QTRT2: variants seen among roughly 807,000 people sequenced by gnomAD.
QTRT2 encodes queuine tRNA-ribosyltransferase accessory subunit 2.
A neutral mutation model predicts 44.8 loss-of-function variants in QTRT2; 32 were observed. The observed-to-expected ratio is 0.71, with a 90% CI of 0.54 to 0.96. The LOEUF (loss-of-function observed/expected upper bound fraction) is 0.96. Ranked by LOEUF, QTRT2 falls within the 40% of genes least tolerant of loss-of-function variation. The pLI, the probability that QTRT2 is intolerant of heterozygous loss-of-function variation, is 0.00. For missense variants in QTRT2, 461 were observed against 503.1 expected, an observed-to-expected ratio of 0.92 and a Z score of 0.80; for synonymous variants, 182 against 187.4, an observed-to-expected ratio of 0.97 and a Z score of 0.24.
chr3:114,056,925 T>A (rs1486157629), intron 1 of QTRT2, 61 bp downstream of exon 1: 1 of 1,521,092 alleles, frequency 6.6e-7, no homozygotes, highest in Non-Finnish European at 8.8e-7. Flanking sequence ...TCACGTCGCG[T>A]CCAGACGCTT....
intron 8 of QTRT2, chr3:114,082,408 A>G (rs1308620749): frequency 5.0e-6 from 1 of 198,608 alleles, no homozygotes; most frequent in African/African-American, 2.3e-5. Context: ...TTATTTCTTG[A>G]TGATACGATT....
chr3:114,068,839 A>G (rs2076987420), intron 5 of QTRT2, among the ~76,000 whole-genome samples: 2 of 152,132 alleles, frequency 1.3e-5, no homozygotes, highest in African/African-American at 2.4e-5. Context: ...CTTGAGCCTC[A>G]GGAGTTCGAG....
chr3:114,069,055 A>G (rs1014445330), intron 5 of QTRT2, among the ~76,000 whole-genome samples: 2 of 147,828 alleles, frequency 1.4e-5, no homozygotes, highest in East Asian at 1.9e-4. Context: ...CTCTGTCTCA[A>G]AAAAAAAAAA....
chr3:114,068,167 A>T (rs185745028), intron 5 of QTRT2, 104 bp downstream of exon 5: 1 of 910,748 alleles, frequency 1.1e-6, no homozygotes, highest in Admixed American at 1.8e-5. Flanking sequence ...ATGATCCCTT[A>T]TACCTTTTCC....
At chr3:114,057,927 T>G (rs889338058) in intron 2 of QTRT2, among the ~76,000 whole-genome samples, 1 of 152,160 alleles carries the variant, frequency 6.6e-6, no homozygotes, top group African/African-American at 2.4e-5. Flanking sequence ...AAACTAAGAT[T>G]ATAATGTGCT....
At chr3:114,060,697 A>G (rs1347579630) in intron 2 of QTRT2, among the ~76,000 whole-genome samples, 1 of 151,924 alleles carries the variant, frequency 6.6e-6, no homozygotes, top group Non-Finnish European at 1.5e-5. Context: ...TCACCTCGGC[A>G]AACAGTCTTT....
intron 2 of QTRT2, among the ~76,000 whole-genome samples, chr3:114,064,249 T>G (rs1221020995): frequency 6.6e-6 from 1 of 151,812 alleles, no homozygotes; most frequent in Non-Finnish European, 1.5e-5. Context: ...GAAAAGAAAA[T>G]TGGATCCTCT....
At chr3:114,067,934 A>C in intron 4 of QTRT2, 53 bp from the exon 5 acceptor site, 1 of 1,492,380 alleles carries the variant, frequency 6.7e-7, no homozygotes, top group Non-Finnish European at 9.3e-7. Flanking sequence ...GCTATAATAC[A>C]GTGTCATTGT....
chr3:114,085,653 C>T lies in QTRT2; in HGVS notation c.1017-20C>T. On this transcript the variant is annotated intron_variant, in intron 9 of 9. Coordinates refer to ENST00000281273, the MANE Select transcript of QTRT2 (RefSeq NM_024638.4). ...TTGTATTCCGTACTTTCTGGAATGT[C>T]ACTGTGACTTCTTTCTTAGGTACCA... 6.3e-7 allele frequency: 1 copy of T among 1,593,634 alleles called. No individual in the cohort carries two copies. Among genetic ancestry groups the T allele is most frequent in the Non-Finnish European group, 8.6e-7 (1 of 1,161,342 alleles).
intron 2 of QTRT2, among the ~76,000 whole-genome samples, chr3:114,064,855 G>C (rs574156791): frequency 3.2e-4 from 48 of 152,310 alleles, no homozygotes; most frequent in African/African-American, 1.1e-3. Flanking sequence ...TCAATAATCA[G>C]TATGGCCTAA....
chr3:114,076,075 G>A (rs1347751989), intron 6 of QTRT2, among the ~76,000 whole-genome samples: 1 of 152,158 alleles, frequency 6.6e-6, no homozygotes, highest in Admixed American at 6.5e-5. Context: ...GAGACTTGGA[G>A]GTAGTCTAAA....
intron 8 of QTRT2, 22 bp downstream of exon 8, chr3:114,080,079 T>C: frequency 6.4e-7 from 1 of 1,554,930 alleles, no homozygotes; most frequent in Non-Finnish European, 8.7e-7. Flanking sequence ...GAAGTTTATC[T>C]CTTATCCTTA....
rs2077011292 is a variant in QTRT2 at position 114,070,564 on chromosome 3, A to T, written c.334-62A>T. 7 of 1,384,634 alleles carry T rather than the reference A, an allele frequency of 5.1e-6. No individual in the cohort carries two copies. In the Admixed American group the frequency reaches 1.2e-4, roughly 24 times the overall value. The allele number at this position is 1,384,634 out of a possible 1,614,324, so 85.8% of individuals were successfully genotyped here. A position where few individuals can be genotyped will look rare whatever the true frequency, so the allele number is the denominator to read the frequency against. ...GAAGAATTATTGCTTTATCATTTTA[A>T]TTATTTTATTTTTATTTGCATTTTA... is the stretch of plus-strand genomic sequence containing the variant. On this transcript the variant is annotated intron_variant, in intron 5 of 9. Coordinates refer to ENST00000281273, the MANE Select transcript of QTRT2 (RefSeq NM_024638.4).
intron 6 of QTRT2, 49 bp from the exon 7 acceptor site, chr3:114,076,694 A>G: frequency 1.3e-6 from 2 of 1,559,574 alleles, no homozygotes; most frequent in Non-Finnish European, 8.8e-7. Flanking sequence ...ATTTAAACAA[A>G]GGTCTCATAC....
intron 6 of QTRT2, among the ~76,000 whole-genome samples, chr3:114,073,563 T>C (rs1173442222): frequency 4.6e-5 from 7 of 152,058 alleles, no homozygotes; most frequent in African/African-American, 9.7e-5. Context: ...TATTTTTTGG[T>C]AGAGATGGGG....
chr3:114,072,526 G>C lies in QTRT2; in HGVS notation c.546+1688G>C, dbSNP rs112499744. Among the ~76,000 whole-genome samples the C allele has an allele frequency of 1.9e-4, 29 of 152,218 alleles. No homozygotes were observed. In the East Asian group the frequency reaches 5.6e-3, roughly 29 times the overall value. On this transcript the variant is annotated intron_variant, in intron 6 of 9. Coordinates refer to ENST00000281273, the MANE Select transcript of QTRT2 (RefSeq NM_024638.4). The stretch of plus-strand genomic sequence containing the variant: ...GCTATATTTTAGCCCCAATCATATT[G>C]TATTTCAATGATTTCTTTATGCATT...
chr3:114,066,371 GT>G, intron 4 of QTRT2, 88 bp downstream of exon 4: 1 of 760,928 alleles, frequency 1.3e-6, no homozygotes, highest in Non-Finnish European at 2.3e-6. Flanking sequence ...TCATTCATAT[GT>G]TTGTTTATTC....
chr3:114,065,800 C>T (rs200185767), intron 3 of QTRT2, among the ~76,000 whole-genome samples: 5 of 152,124 alleles, frequency 3.3e-5, no homozygotes, highest in African/African-American at 1.2e-4. Context: ...TTTTTTCTGC[C>T]TTTGCACATA....
At chr3:114,070,949 G>A (rs2077017628) in intron 6 of QTRT2, 111 bp downstream of exon 6, 1 of 768,454 alleles carries the variant, frequency 1.3e-6, no homozygotes, top group Non-Finnish European at 2.1e-6. Flanking sequence ...TCACTTCTTT[G>A]TCTATTTTAC....
Sources: allele counts gnomAD v4.1 joint callset (sites outside exome capture counted in the v4.1 genomes callset), GRCh38; gene constraint gnomAD v4.1.1; transcripts MANE v1.5; gene names NCBI Gene and HGNC (gene_info 2026-07-23, HGNC 2026-07-21).